The following PRIM2 variants were observed in gnomAD, a reference collection of about 807,000 sequenced individuals.
PRIM2 encodes DNA primase subunit 2.
A neutral mutation model predicts 67.3 loss-of-function variants in PRIM2; 39 were observed. The observed-to-expected ratio is 0.58, with a 90% CI of 0.45 to 0.76. The LOEUF (loss-of-function observed/expected upper bound fraction) is 0.76. Among genes scored for constraint, PRIM2 ranks in the 30% least tolerant of loss-of-function variants. The pLI, the probability that PRIM2 is intolerant of heterozygous loss-of-function variation, is 0.00. For synonymous variants in PRIM2, 143 were observed against 198.7 expected (o/e 0.72, Z 2.36); for missense variants, 398 against 598.7 (o/e 0.66, Z 3.50).
intron 7 of PRIM2, among the ~76,000 whole-genome samples, chr6:57,436,973 T>G (rs545015623): frequency 5.4e-4 from 82 of 152,250 alleles, no homozygotes; most frequent in Non-Finnish European, 9.0e-4. Context: ...AAGGAAATAC[T>G]CGAGACTGGG....
intron 7 of PRIM2, among the ~76,000 whole-genome samples, chr6:57,465,213 C>G (rs1773144920): frequency 1.3e-5 from 2 of 152,192 alleles, no homozygotes; most frequent in Non-Finnish European, 1.5e-5. Context: ...GAAGACAGAG[C>G]CTCCCTTCTA....
chr6:57,498,152 G>A (rs1236998341), intron 7 of PRIM2, among the ~76,000 whole-genome samples: 1 of 151,898 alleles, frequency 6.6e-6, no homozygotes, highest in Admixed American at 6.6e-5. Context: ...GTTGCTGTGA[G>A]GTCTGTTTAA....
chr6:57,318,334 A>AT (rs1188345134), intron 1 of PRIM2, 103 bp from the exon 2 acceptor site: 56 of 1,216,308 alleles, frequency 4.6e-5, no homozygotes, highest in Non-Finnish European at 5.6e-5. Context: ...CCTCAAATCC[A>AT]TTTTTTTTCT....
At chr6:57,394,448 T>G (rs1339087644) in intron 7 of PRIM2, among the ~76,000 whole-genome samples, 2 of 152,176 alleles carry the variant, frequency 1.3e-5, no homozygotes, top group Non-Finnish European at 2.9e-5. Flanking sequence ...GATTGAGTTC[T>G]TGATTTGAAT....
At chr6:57,384,793 G>A (rs941958785) in intron 7 of PRIM2, among the ~76,000 whole-genome samples, 1 of 152,144 alleles carries the variant, frequency 6.6e-6, no homozygotes, top group African/African-American at 2.4e-5. Flanking sequence ...TGAATTAAAT[G>A]TACAAAGTTT....
intron 5 of PRIM2, among the ~76,000 whole-genome samples, chr6:57,328,793 G>C (rs187873487): frequency 4.9e-4 from 75 of 152,212 alleles, no homozygotes; most frequent in Non-Finnish European, 8.2e-4. Context: ...AGTGGATGAG[G>C]GTTCCACTTT....
At chr6:57,345,543 T>C (rs1484761024) in intron 5 of PRIM2, among the ~76,000 whole-genome samples, 2 of 150,126 alleles carry the variant, frequency 1.3e-5, no homozygotes. Flanking sequence ...AAGAATGAAA[T>C]TAATTACACT....
At chr6:57,499,245 G>A (rs1774075230) in intron 7 of PRIM2, among the ~76,000 whole-genome samples, 1 of 152,228 alleles carries the variant, frequency 6.6e-6, no homozygotes, top group Admixed American at 6.5e-5. Flanking sequence ...ATGCCCGACA[G>A]ATATCTCTAA....
At chr6:57,221,680 C>T in the PRIM2 span, 1 of 152,320 alleles carries the variant, frequency 6.6e-6, no homozygotes, top group African/African-American at 2.4e-5. Context: ...GCGCCGCCCT[C>T]GCTCCACCCC....
chr6:57,515,956 G>T (rs1341693918), intron 8 of PRIM2, among the ~76,000 whole-genome samples: 2 of 151,796 alleles, frequency 1.3e-5, no homozygotes, highest in African/African-American at 2.4e-5. Context: ...CTGTTTTTAT[G>T]CTGGCTGTCA....
chr6:57,245,894 G>A, the PRIM2 span, among the ~76,000 whole-genome samples: 4 of 152,166 alleles, frequency 2.6e-5, no homozygotes, highest in Non-Finnish European at 5.9e-5. Flanking sequence ...TTAATATAAA[G>A]TTACAGCTTT....
the PRIM2 span, among the ~76,000 whole-genome samples, chr6:57,231,899 G>C: frequency 0.01 from 1,524 of 150,902 alleles, 33 homozygotes; most frequent in African/African-American, 0.035. Context: ...TATCCCAAAC[G>C]CTAGGGAAAA....
intron 6 of PRIM2, 186 bp from the exon 7 acceptor site, chr6:57,381,845 A>G (rs1362938006): frequency 3.9e-6 from 1 of 254,074 alleles, no homozygotes; most frequent in Non-Finnish European, 6.2e-6. Flanking sequence ...TGAAACGAAC[A>G]TATTTTTGTA....
the PRIM2 span, among the ~76,000 whole-genome samples, chr6:57,241,731 G>C: frequency 7.5e-6 from 1 of 134,028 alleles, no homozygotes; most frequent in Non-Finnish European, 1.5e-5. Context: ...TGAGTGCAGT[G>C]GCACGATCTC....
the PRIM2 span, among the ~76,000 whole-genome samples, chr6:57,230,849 C>A: frequency 1.3e-5 from 2 of 152,138 alleles, no homozygotes; most frequent in Non-Finnish European, 2.9e-5. Context: ...TACCTCAACT[C>A]CCAGGGTTAT....
At chr6:57,335,240 A>G (rs1235444871) in intron 5 of PRIM2, among the ~76,000 whole-genome samples, 2 of 152,236 alleles carry the variant, frequency 1.3e-5, no homozygotes, top group African/African-American at 4.8e-5. Context: ...GATTGCTAGC[A>G]CAGCAGTCTG....
chr6:57,397,997 T>A (rs9464469), intron 7 of PRIM2, among the ~76,000 whole-genome samples: 1 of 146,544 alleles, frequency 6.8e-6, no homozygotes, highest in Non-Finnish European at 1.5e-5. Context: ...GTCTTGCTCT[T>A]GTTCCAGGCT....
At chr6:57,627,958 C>G (rs1458465646) in intron 12 of PRIM2, among the ~76,000 whole-genome samples, 2 of 152,262 alleles carry the variant, frequency 1.3e-5, no homozygotes, top group African/African-American at 4.8e-5. Flanking sequence ...TCAGAATGGA[C>G]CCTTGATTTG....
At chr6:57,269,493 T>G in the PRIM2 span, among the ~76,000 whole-genome samples, 4 of 152,234 alleles carry the variant, frequency 2.6e-5, no homozygotes, top group African/African-American at 9.6e-5. Context: ...TTTTTTCTTG[T>G]AAATTTGTTT....
Sources: gnomAD v4.1 joint callset for allele counts (sites outside exome capture counted in the v4.1 genomes callset) on GRCh38, gnomAD v4.1.1 for gene constraint, MANE v1.5 for transcripts, NCBI Gene and HGNC (gene_info 2026-07-23, HGNC 2026-07-21) for gene names.